NAALADL2: variants seen among roughly 807,000 people sequenced by gnomAD.
NAALADL2 encodes the protein inactive N-acetylated-alpha-linked acidic dipeptidase-like protein 2.
Under a neutral mutation model 87.2 loss-of-function variants are expected in NAALADL2, and 76 were observed. The ratio of observed to expected loss-of-function variants is 0.87; its 90% CI spans 0.72 to 1.05. The LOEUF is 1.05. NAALADL2 is among the 50% of genes least tolerant of loss of function. The pLI, the probability that NAALADL2 is intolerant of heterozygous loss-of-function variation, is 0.00. For missense variants in NAALADL2, 1,089 were observed against 945.8 expected (o/e 1.15, Z -1.99); for synonymous variants, 354 against 331.0 (o/e 1.07, Z -0.75).
At chr3:174,832,647 T>C (rs1722862466) in intron 3 of NAALADL2, among the ~76,000 whole-genome samples, 4 of 152,128 alleles carry the variant, frequency 2.6e-5, no homozygotes, top group Admixed American at 2.6e-4. Flanking sequence ...TTGTATTTTT[T>C]AGTAGAGACA....
At chr3:174,890,580 A>T (rs1730743739) in intron 1 of NAALADL2, among the ~76,000 whole-genome samples, 1 of 152,218 alleles carries the variant, frequency 6.6e-6, no homozygotes, top group Non-Finnish European at 1.5e-5. Flanking sequence ...GCACAGAGAA[A>T]TATGAAAGGT....
At chr3:174,947,944 T>G (rs1191160112) in intron 1 of NAALADL2, among the ~76,000 whole-genome samples, 1 of 152,122 alleles carries the variant, frequency 6.6e-6, no homozygotes, top group Non-Finnish European at 1.5e-5. Flanking sequence ...GCTGTATACC[T>G]ACATAGATGT....
chr3:174,695,075 TTTA>T (rs1373044112), intron 2 of NAALADL2, among the ~76,000 whole-genome samples: 1 of 152,032 alleles, frequency 6.6e-6, no homozygotes, highest in African/African-American at 2.4e-5. Flanking sequence ...AGAAAGGGAT[TTTA>T]TTGTCTGTTT....
At position 175,808,939 on chromosome 3, in the gene NAALADL2, T is replaced by C. The variant is rs751741381; in HGVS notation, c.*5736T>C. 1.3e-5 allele frequency: 2 copies of C among 151,964 alleles called. No homozygotes were observed. The highest frequency in any genetic ancestry group is 2.4e-5 in the African/African-American group (1 of 41,416). The allele number at this position is 151,964 out of a possible 1,614,324, so 9.4% of individuals were successfully genotyped here. On this transcript the variant is annotated 3_prime_UTR_variant, in exon 14 of 14. Transcript: ENST00000454872. ...CTAGCCTGCTCAGTAATCATAACTC[T>C]CCAACTTCTTCAAAGGGCCTTTATT...
At chr3:174,688,103 G>A (rs1728215545) in intron 2 of NAALADL2, among the ~76,000 whole-genome samples, 1 of 152,114 alleles carries the variant, frequency 6.6e-6, no homozygotes, top group Non-Finnish European at 1.5e-5. Flanking sequence ...TTAATAATTT[G>A]TAAAATTCCT....
chr3:175,727,441 CTCCTAAAAAATGGCCATGTGT>C (rs536073990), intron 11 of NAALADL2, among the ~76,000 whole-genome samples: 8 of 152,254 alleles, frequency 5.3e-5, no homozygotes, highest in African/African-American at 1.9e-4. Flanking sequence ...GTCACAGGAG[CTCCTAAAAAATGGCCATGTGT>C]TTGGGGAACT....
chr3:174,822,182 GA>G (rs1407451408), intron 3 of NAALADL2, among the ~76,000 whole-genome samples: 2 of 152,030 alleles, frequency 1.3e-5, no homozygotes, highest in Admixed American at 6.6e-5. Context: ...GGCGGAGGGA[GA>G]GGGGGAGAGA....
chr3:175,693,681 T>A (rs891855989), intron 11 of NAALADL2, among the ~76,000 whole-genome samples: 5 of 151,914 alleles, frequency 3.3e-5, no homozygotes, highest in Non-Finnish European at 7.4e-5. Flanking sequence ...AAGTGACAGA[T>A]TTAGTTTTGT....
intron 2 of NAALADL2, among the ~76,000 whole-genome samples, chr3:174,714,750 C>T (rs1731017587): frequency 6.6e-6 from 1 of 152,244 alleles, no homozygotes; most frequent in South Asian, 2.1e-4. Context: ...CAAACAGGGA[C>T]AATTTGACTT....
chr3:174,587,798 TG>T (rs1716894507), intron 2 of NAALADL2, among the ~76,000 whole-genome samples: 2 of 152,224 alleles, frequency 1.3e-5, no homozygotes, highest in Admixed American at 6.5e-5. Flanking sequence ...TTTTTCTGGC[TG>T]CCCTTAACAT....
rs181165538 is a variant in NAALADL2 at position 174,840,364 on chromosome 3, G to A, written c.-9+102618G>A. Among the ~76,000 whole-genome samples, 16 of 152,180 alleles carry A rather than the reference G, an allele frequency of 1.1e-4. No homozygotes were observed. In the East Asian group the frequency reaches 3.1e-3, roughly 29 times the overall value. Reference sequence around the variant, plus strand: ...TATCTAACACCAGCAACTAGGAACTGCTCTCAAGGTGTGCACTAGGAGTCG... The same window carrying A: ...TATCTAACACCAGCAACTAGGAACTACTCTCAAGGTGTGCACTAGGAGTCG... On this transcript the variant is annotated intron_variant, in intron 3 of 3. Coordinates refer to the NAALADL2 transcript ENST00000434257.
chr3:175,387,917 C>T (rs1348335731), intron 5 of NAALADL2, among the ~76,000 whole-genome samples: 3 of 152,012 alleles, frequency 2.0e-5, no homozygotes, highest in Non-Finnish European at 2.9e-5. Context: ...TTGAAGATAT[C>T]TAATCTTCTT....
chr3:175,204,997 A>C (rs1740610057), intron 2 of NAALADL2, among the ~76,000 whole-genome samples: 1 of 152,170 alleles, frequency 6.6e-6, no homozygotes, highest in Admixed American at 6.6e-5. Flanking sequence ...TCATAGATGG[A>C]GAATCAATAT....
At chr3:175,148,610 A>G (rs1181019799) in intron 2 of NAALADL2, among the ~76,000 whole-genome samples, 1 of 152,030 alleles carries the variant, frequency 6.6e-6, no homozygotes. Flanking sequence ...TTAGTTAGTT[A>G]GTTTTTGGCT....
At chr3:174,908,021 G>GTTT (rs35051279) in intron 1 of NAALADL2, among the ~76,000 whole-genome samples, 56 of 82,556 alleles carry the variant, frequency 6.8e-4, no homozygotes, top group African/African-American at 1.3e-3. Flanking sequence ...AGAGAAGTTG[G>GTTT]TTTTTTTTTT....
chr3:175,646,790 A>T (rs1366945891), intron 11 of NAALADL2, among the ~76,000 whole-genome samples: 2 of 152,046 alleles, frequency 1.3e-5, no homozygotes, highest in African/African-American at 4.8e-5. Flanking sequence ...GTGATATCTG[A>T]TCTACCTTTC....
intron 1 of NAALADL2, among the ~76,000 whole-genome samples, chr3:175,025,692 G>A (rs1228190050): frequency 6.6e-6 from 1 of 152,042 alleles, no homozygotes; most frequent in African/African-American, 2.4e-5. Flanking sequence ...AACCCTAGAA[G>A]TATTTTAATG....
intron 4 of NAALADL2, among the ~76,000 whole-genome samples, chr3:175,320,279 T>C (rs1318831022): frequency 6.6e-6 from 1 of 152,248 alleles, no homozygotes; most frequent in African/African-American, 2.4e-5. Context: ...ACTTAGTATA[T>C]TGTCAAGTTC....
chr3:175,284,508 GC>G (rs1333922531), intron 4 of NAALADL2, among the ~76,000 whole-genome samples: 2 of 150,518 alleles, frequency 1.3e-5, no homozygotes, highest in Non-Finnish European at 3.0e-5. Context: ...TTGTATGGAG[GC>G]CTGATTTAAA....
Sources: gnomAD v4.1 joint callset for allele counts (sites outside exome capture counted in the v4.1 genomes callset) on GRCh38, gnomAD v4.1.1 for gene constraint, MANE v1.5 for transcripts, NCBI Gene and HGNC (gene_info 2026-07-23, HGNC 2026-07-21) for gene names.